Variants in ANGPT1 observed in about 807,000 individuals in gnomAD.
The protein encoded by ANGPT1 is angiopoietin 1, also known as angiopoietin-1.
In ANGPT1, 17 loss-of-function variants were observed where a neutral mutation model predicts 62.2. The ratio of observed to expected loss-of-function variants is 0.27; its 90% CI spans 0.19 to 0.41. The LOEUF is 0.41. Ranked by LOEUF, ANGPT1 falls within the 10% of genes least tolerant of loss-of-function variation. The pLI, the probability that ANGPT1 is intolerant of heterozygous loss-of-function variation, is 1.00. For synonymous variants in ANGPT1, 199 were observed against 198.9 expected, an observed-to-expected ratio of 1.00 and a Z score of 0.00; for missense variants, 478 against 594.9, an observed-to-expected ratio of 0.80 and a Z score of 2.04.
intron 1 of ANGPT1, among the ~76,000 whole-genome samples, chr8:107,476,967 A>G (rs988950050): frequency 9.2e-5 from 14 of 152,066 alleles, no homozygotes; most frequent in Non-Finnish European, 1.0e-4. Flanking sequence ...TATTACTTTA[A>G]GGAAGTGTCA....
intron 3 of ANGPT1, among the ~76,000 whole-genome samples, chr8:107,327,333 T>A (rs1815313571): frequency 6.6e-6 from 1 of 152,084 alleles, no homozygotes; most frequent in Non-Finnish European, 1.5e-5. Context: ...AGCATGGGGA[T>A]CTTTATATAG....
At chr8:107,476,113 C>G (rs765340333) in intron 1 of ANGPT1, among the ~76,000 whole-genome samples, 1 of 152,188 alleles carries the variant, frequency 6.6e-6, no homozygotes, top group Non-Finnish European at 1.5e-5. Flanking sequence ...ATAAATCATG[C>G]TGCTATAAAG....
At chr8:107,340,392 A>T (rs1025497911) in intron 2 of ANGPT1, among the ~76,000 whole-genome samples, 43 of 152,268 alleles carry the variant, frequency 2.8e-4, no homozygotes, top group African/African-American at 9.1e-4. Context: ...TCTTTTTTTT[A>T]AAAAAGTAAA....
chr8:107,301,768 GAAGAAAATTTTGTCCCAGCAAAGGGGAAA>G (rs913003327), intron 5 of ANGPT1, among the ~76,000 whole-genome samples: 2 of 151,838 alleles, frequency 1.3e-5, no homozygotes, highest in African/African-American at 4.8e-5. Flanking sequence ...TATCTTTCAA[GAAGAAAATTTTGTCCCAGCAAAGGGGAAA>G]AAGAAACCAT....
At chr8:107,265,696 C>T (rs1038782394) in intron 7 of ANGPT1, among the ~76,000 whole-genome samples, 14 of 152,098 alleles carry the variant, frequency 9.2e-5, no homozygotes, top group Non-Finnish European at 2.1e-4. Context: ...GAATCCTGTC[C>T]ACCCACAGTA....
intron 4 of ANGPT1, among the ~76,000 whole-genome samples, chr8:107,313,435 T>TTTG (rs1814928025): frequency 8.3e-6 from 1 of 120,582 alleles, no homozygotes. Context: ...AGTTGTTTTT[T>TTTG]TTTTTTTTTT....
chr8:107,449,526 G>A (rs1811709933), intron 1 of ANGPT1, among the ~76,000 whole-genome samples: 1 of 151,748 alleles, frequency 6.6e-6, no homozygotes, highest in Non-Finnish European at 1.5e-5. Flanking sequence ...TGATGGAACA[G>A]GTAATTACCA....
chr8:107,265,769 G>A (rs1332419927), intron 7 of ANGPT1, among the ~76,000 whole-genome samples: 1 of 152,026 alleles, frequency 6.6e-6, no homozygotes, highest in Non-Finnish European at 1.5e-5. Context: ...GGCTGGCTCT[G>A]AGCAAAACAT....
At chr8:107,283,717 A>G (rs1265093460) in intron 7 of ANGPT1, among the ~76,000 whole-genome samples, 1 of 152,194 alleles carries the variant, frequency 6.6e-6, no homozygotes, top group Non-Finnish European at 1.5e-5. Flanking sequence ...GAGCAGTCAC[A>G]ATATTGAGAG....
chr8:107,394,074 T>C (rs1447618463), intron 1 of ANGPT1, among the ~76,000 whole-genome samples: 2 of 152,184 alleles, frequency 1.3e-5, no homozygotes, highest in African/African-American at 2.4e-5. Context: ...ATAGATTTTA[T>C]TACAGTGCCC....
chr8:107,380,521 C>T (rs1816616712), intron 1 of ANGPT1, among the ~76,000 whole-genome samples: 1 of 151,708 alleles, frequency 6.6e-6, no homozygotes, highest in Non-Finnish European at 1.5e-5. Flanking sequence ...CCTGACCTTA[C>T]ACTTTAAAAA....
At chr8:107,470,569 C>T (rs1220489690) in intron 1 of ANGPT1, among the ~76,000 whole-genome samples, 1 of 152,088 alleles carries the variant, frequency 6.6e-6, no homozygotes, top group African/African-American at 2.4e-5. Flanking sequence ...ACTTTTCTCC[C>T]ATTCAGTAGG....
In ANGPT1 at chr8:107,352,725, AT is replaced by A. The variant is rs376047916; in HGVS notation, c.298-5629del. 3.8e-3 allele frequency among the ~76,000 whole-genome samples: 586 copies of A among 152,326 alleles called. 6 individuals carry two copies. Among genetic ancestry groups the A allele is most frequent in the African/African-American group, 0.014 (564 of 41,576 alleles). On this transcript the variant is annotated intron_variant, in intron 1 of 8. Transcript: ENST00000517746. Reference sequence around the variant, plus strand: ...AAACCCTATAAAAATTGACAAAGGCATTGTTCACTTAAAATATGGTGCAGAT... The same window carrying A: ...AAACCCTATAAAAATTGACAAAGGCATGTTCACTTAAAATATGGTGCAGAT...
chr8:107,383,091 C>T (rs1816670452), intron 1 of ANGPT1, among the ~76,000 whole-genome samples: 1 of 152,116 alleles, frequency 6.6e-6, no homozygotes, highest in Admixed American at 6.6e-5. Flanking sequence ...TGTACAGAAA[C>T]CAATTACTGC....
chr8:107,405,817 A>T (rs974501662), intron 1 of ANGPT1, among the ~76,000 whole-genome samples: 1 of 151,896 alleles, frequency 6.6e-6, no homozygotes, highest in African/African-American at 2.4e-5. Context: ...AATTATTTAA[A>T]TTTTTTATTT....
intron 7 of ANGPT1, among the ~76,000 whole-genome samples, chr8:107,282,105 T>G (rs2130123336): frequency 6.6e-6 from 1 of 151,918 alleles, no homozygotes; most frequent in South Asian, 2.1e-4. Context: ...TCTGTTCCAT[T>G]TTTCTTTGAA....
At chr8:107,253,798 GGA>G (rs1813298365) in intron 8 of ANGPT1, among the ~76,000 whole-genome samples, 1 of 152,194 alleles carries the variant, frequency 6.6e-6, no homozygotes, top group South Asian at 2.1e-4. Flanking sequence ...GGAAACTTTG[GGA>G]AAACTTAGGA....
chr8:107,380,359 TTGTGTGTGTGTG>T (rs71308731), intron 1 of ANGPT1, among the ~76,000 whole-genome samples: 79 of 148,722 alleles, frequency 5.3e-4, no homozygotes, highest in Middle Eastern at 3.5e-3. Flanking sequence ...TGCAGGATGT[TTGTGTGTGTGTG>T]TGTGTGTGTG....
At chr8:107,361,405 T>C (rs1478066899) in intron 1 of ANGPT1, among the ~76,000 whole-genome samples, 1 of 149,460 alleles carries the variant, frequency 6.7e-6, no homozygotes, top group African/African-American at 2.4e-5. Flanking sequence ...GATATATATA[T>C]ATTTGTATAG....
Sources: allele counts gnomAD v4.1 joint callset (sites outside exome capture counted in the v4.1 genomes callset), GRCh38; gene constraint gnomAD v4.1.1; transcripts MANE v1.5; gene names NCBI Gene and HGNC (gene_info 2026-07-23, HGNC 2026-07-21).